COX18: variants seen among roughly 807,000 people sequenced by gnomAD.
The protein encoded by COX18 is cytochrome c oxidase assembly protein COX18, mitochondrial.
COX18 carries 45 observed loss-of-function variants against 38.0 expected under a neutral mutation model. The observed-to-expected ratio is 1.18, with a 90% CI of 0.93 to 1.52. The LOEUF is 1.52. Among genes scored for constraint, COX18 ranks in the 40% most tolerant of loss-of-function variants. The pLI, the probability that COX18 is intolerant of heterozygous loss-of-function variation, is 0.00. For synonymous variants in COX18, 177 were observed against 169.8 expected (o/e 1.04, Z -0.33); for missense variants, 462 against 423.8 (o/e 1.09, Z -0.79).
intron 1 of COX18, 98 bp from the exon 2 acceptor site, chr4:73,068,227 T>A: frequency 1.4e-6 from 1 of 723,532 alleles, no homozygotes. Context: ...TTTAAAAATG[T>A]AGTTTACTGA....
In COX18 at chr4:73,068,142, T is replaced by C. The variant is rs764011601; in HGVS notation, c.334-13A>G. The C allele has an allele frequency of 2.6e-6, 4 of 1,559,006 alleles. No individual in the cohort carries two copies. Among genetic ancestry groups the C allele is most frequent in the Non-Finnish European group, 3.5e-6 (4 of 1,137,926 alleles). On this transcript the variant is annotated splice_polypyrimidine_tract_variant and intron_variant, in intron 1 of 5. Transcript: ENST00000507544. ...GCAAATTTTCCACCTAGCTAAAAAA[T>C]AGGTTTTGTTATGAGCACATAAAGG...
At chr4:73,064,146 G>A (rs1372430102) in intron 4 of COX18, among the ~76,000 whole-genome samples, 1 of 152,084 alleles carries the variant, frequency 6.6e-6, no homozygotes, top group African/African-American at 2.4e-5. Context: ...TTAGCCGGGT[G>A]TGGTGGTGTG....
At chr4:73,065,060 T>A (rs1376871936) in intron 3 of COX18, among the ~76,000 whole-genome samples, 158 bp from the exon 4 acceptor site, 2 of 152,160 alleles carry the variant, frequency 1.3e-5, no homozygotes, top group Non-Finnish European at 2.9e-5. Flanking sequence ...ATATATATAT[T>A]TTTTCTCAAT....
intron 4 of COX18, among the ~76,000 whole-genome samples, chr4:73,063,712 T>C (rs1720294504): frequency 6.6e-6 from 1 of 152,206 alleles, no homozygotes; most frequent in Admixed American, 6.5e-5. Flanking sequence ...TAGGGAAACA[T>C]ATTTGGACTA....
chr4:73,069,503 T>C lies in COX18; in HGVS notation c.147A>G (p.Val49=), dbSNP rs1216466525. Residue 49 remains valine, a synonymous_variant, in exon 1 of 6, where the codon GTA becomes GTG. Coordinates refer to ENST00000507544, the MANE Select transcript of COX18 (RefSeq NM_001297732.2). ...GGGCCTCGTACCAGCCGTTCGCATG[T>C]ACTGCAGAGACTGGTGCCACTGCCC... ...PVWAVAPVSA[V]HANGWYEALA... is the part of the protein sequence containing the mutation. The C allele has an allele frequency of 1.3e-6, 2 of 1,591,626 alleles. No homozygotes were observed. The highest frequency in any genetic ancestry group is 1.8e-5 in the Admixed American group (1 of 56,512).
chr4:73,067,882 T>C (rs1482721805), intron 2 of COX18, 147 bp downstream of exon 2: 2 of 121,990 alleles, frequency 1.6e-5, no homozygotes, highest in African/African-American at 7.4e-5. Context: ...TATATATATA[T>C]ATAAAAAAAG....
Position 73,069,677 on chromosome 4 carries a change from C to A in COX18, c.-28G>T. 1 of 1,535,710 alleles carries A rather than the reference C, an allele frequency of 6.5e-7. No individual in the cohort carries two copies. The highest frequency in any genetic ancestry group is 2.4e-5 in the East Asian group (1 of 41,202). ...CTGCACCACGGCGGAGCCCAGATCC[C>A]GGGCCTCACAATCCAGCGGACATAC... On this transcript the variant is annotated 5_prime_UTR_variant, in exon 1 of 6. Transcript: ENST00000507544.
rs181365781 is a variant in COX18, at chr4:73,061,832, A to G, written c.812T>C (p.Ile271Thr). 6.2e-7 allele frequency: 1 copy of G among 1,611,230 alleles called. No homozygotes were observed. ...ACTCACTGAGGGTACCGTTGCAGCA[A>G]TTGGTATCATCAACACCGACATTGC... ...VRAMSVLMIP[I>T]AATVPSSIVL... The change falls in exon 5 of 6, where the codon ATT becomes ACT. Residue 271 changes from isoleucine to threonine, a missense_variant. Coordinates refer to ENST00000507544, the MANE Select transcript of COX18 (RefSeq NM_001297732.2).
At chr4:73,062,057 C>A (rs1720197994) in intron 4 of COX18, 137 bp from the exon 5 acceptor site, 1 of 567,782 alleles carries the variant, frequency 1.8e-6, no homozygotes. Context: ...ACACAAAACA[C>A]TGATTAATTT....
In COX18 at chr4:73,052,929, G is replaced by A. The variant is rs1267123635; in HGVS notation, c.*5185C>T. ...ATCTGACATATAGGCAATTTTAAAG[G>A]TGACTCCTAAAAAAAAAAAAAAGGT... is the stretch of plus-strand genomic sequence containing the variant. On this transcript the variant is annotated 3_prime_UTR_variant, in exon 6 of 6. Coordinates refer to ENST00000507544, the MANE Select transcript of COX18 (RefSeq NM_001297732.2). 6.7e-6 allele frequency: 1 copy of A among 149,194 alleles called. No individual in the cohort carries two copies. Among genetic ancestry groups the A allele is most frequent in the Non-Finnish European group, 1.5e-5 (1 of 67,576 alleles). The allele number at this position is 149,194 out of a possible 1,614,324, so 9.2% of individuals were successfully genotyped here.
At position 73,067,481 on chromosome 4, in the gene COX18, T is replaced by C. The variant is rs919854837; in HGVS notation, c.434+548A>G. Among the ~76,000 whole-genome samples, 36 of 152,176 alleles carry C rather than the reference T, an allele frequency of 2.4e-4. 1 individual carries two copies. Among genetic ancestry groups the C allele is most frequent in the Admixed American group, 2.4e-3 (36 of 15,276 alleles). On this transcript the variant is annotated intron_variant, in intron 2 of 5. Transcript: ENST00000507544. ...TAGGAACATACTCTTCTTATCTTTA[T>C]CTATTTATTTCTTTGCTTTCAGTCC...
At chr4:73,061,957 T>TA (rs774103860) in intron 4 of COX18, 37 bp from the exon 5 acceptor site, 1 of 1,038,618 alleles carries the variant, frequency 9.6e-7, no homozygotes, top group East Asian at 2.5e-5. Flanking sequence ...TAATGATTAT[T>TA]AAAACGCATA....
At position 73,054,759 on chromosome 4, in the gene COX18, C is replaced by T. The variant is rs111351464; in HGVS notation, c.*3355G>A. 7.2e-4 allele frequency: 110 copies of T among 152,222 alleles called. No individual in the cohort carries two copies. The highest frequency in any genetic ancestry group is 2.4e-3 in the African/African-American group (101 of 41,532). 9.4% of individuals were successfully genotyped at this position (152,222 alleles called of 1,614,324 possible). A position where few individuals can be genotyped will look rare whatever the true frequency, so the allele number is the denominator to read the frequency against. On this transcript the variant is annotated 3_prime_UTR_variant, in exon 6 of 6. Coordinates refer to ENST00000507544, the MANE Select transcript of COX18 (RefSeq NM_001297732.2). ...AGGAAGTATCTGGAGATAGGAAAAA[C>T]CAAAGATGTTTTTTCCTACTTTCTT... is the stretch of plus-strand genomic sequence containing the variant.
chr4:73,062,654 T>C (rs1720234145), intron 4 of COX18, among the ~76,000 whole-genome samples: 1 of 152,108 alleles, frequency 6.6e-6, no homozygotes, highest in South Asian at 2.1e-4. Context: ...TTAGGCAACA[T>C]AGCGAAACCA....
rs1719975125 is a variant in COX18 at position 73,057,968 on chromosome 4, G to A, written c.*146C>T. The A allele has an allele frequency of 3.5e-6, 2 of 567,422 alleles. No individual in the cohort carries two copies. The highest frequency in any genetic ancestry group is 6.0e-6 in the Non-Finnish European group (2 of 332,114). The allele number at this position is 567,422 out of a possible 1,614,324, so 35.1% of individuals were successfully genotyped here. On this transcript the variant is annotated 3_prime_UTR_variant, in exon 6 of 6. Transcript: ENST00000507544. ...ATTACAGGCATGAGCCACTGTGCCTGGTCTGGATTACATCTTAACCTACAA... is the reference window on the plus strand; with the variant it reads ...ATTACAGGCATGAGCCACTGTGCCTAGTCTGGATTACATCTTAACCTACAA...
At chr4:73,064,731 C>A in intron 4 of COX18, 47 bp downstream of exon 4, 1 of 1,597,202 alleles carries the variant, frequency 6.3e-7, no homozygotes. Flanking sequence ...ACAGCAGCAA[C>A]AAAAATCCCC....
chr4:73,065,172 C>CTTT, intron 3 of COX18, 78 bp downstream of exon 3: 2 of 689,726 alleles, frequency 2.9e-6, no homozygotes, highest in Non-Finnish European at 4.4e-6. Context: ...GAAAAGTATG[C>CTTT]TTTTTTTTTT....
intron 1 of COX18, among the ~76,000 whole-genome samples, chr4:73,068,823 C>T (rs554633418): frequency 7.4e-4 from 112 of 152,358 alleles, no homozygotes; most frequent in African/African-American, 2.6e-3. Context: ...GGTCAAGTAA[C>T]TGCGACCAAC....
chr4:73,064,706 A>G, intron 4 of COX18, 72 bp downstream of exon 4: 1 of 1,550,484 alleles, frequency 6.4e-7, no homozygotes, highest in South Asian at 1.1e-5. Context: ...AAACAAAAAC[A>G]GATTTGAAGT....
Sources: gnomAD v4.1 joint callset for allele counts (sites outside exome capture counted in the v4.1 genomes callset) on GRCh38, gnomAD v4.1.1 for gene constraint, MANE v1.5 for transcripts, NCBI Gene and HGNC (gene_info 2026-07-23, HGNC 2026-07-21) for gene names.